MYBPC3: variants seen among roughly 807,000 people sequenced by gnomAD.
The protein encoded by MYBPC3 is myosin binding protein C3.
MYBPC3 carries 108 observed loss-of-function variants against 159.3 expected under a neutral mutation model. That is an observed-to-expected ratio of 0.68 (90% CI 0.58 to 0.80). The LOEUF (loss-of-function observed/expected upper bound fraction) is 0.80, where lower values mean the gene tolerates loss of function less well. Among genes scored for constraint, MYBPC3 ranks in the 30% least tolerant of loss-of-function variants. The pLI is 0.00. For missense variants in MYBPC3, 1,631 were observed against 1,762.1 expected, an observed-to-expected ratio of 0.93 and a Z score of 1.33; for synonymous variants, 730 against 702.0, an observed-to-expected ratio of 1.04 and a Z score of -0.63.
At position 47,331,832 on chromosome 11, in the gene MYBPC3, G is replaced by A. The variant is rs756818187; in HGVS notation, c.*26+13C>T. ...GCCACTGACTTGTGCCCTGGGTGTCGGGTGGTACATACCTGGCCATCCCCA... is the reference window on the plus strand; with the variant it reads ...GCCACTGACTTGTGCCCTGGGTGTCAGGTGGTACATACCTGGCCATCCCCA... On this transcript the variant is annotated intron_variant, in intron 34 of 34. Coordinates refer to ENST00000545968, the MANE Select transcript of MYBPC3 (RefSeq NM_000256.3). The A allele has an allele frequency of 3.6e-5, 58 of 1,599,888 alleles. 1 individual carries two copies. Among genetic ancestry groups the A allele is most frequent in the Non-Finnish European group, 4.3e-5 (51 of 1,173,878 alleles).
rs540673034 is a variant in MYBPC3 at position 47,338,249 on chromosome 11, C to T, written c.2308+271G>A. ...TCTTCTCAGCCTCCTAAAGGCATCA[C>T]CCCCAGGCACAGGGATGGCTCTCTG... On this transcript the variant is annotated intron_variant, in intron 23 of 34. Coordinates refer to ENST00000545968, the MANE Select transcript of MYBPC3 (RefSeq NM_000256.3). This position sits in a 1 kb window ranked among gnomAD's most constrained non-coding sequence, Gnocchi z 4.7. 5.3e-5 allele frequency among the ~76,000 whole-genome samples: 8 copies of T among 152,282 alleles called. No individual in the cohort carries two copies. The South Asian group carries it at 1.7e-3, about 32-fold the overall frequency.
rs201278114 is a variant in MYBPC3, at chr11:47,352,635, C to G, written c.13G>C (p.Gly5Arg). 8.3e-4 allele frequency: 1,333 copies of G among 1,596,896 alleles called. 1 individual carries two copies. Among genetic ancestry groups the G allele is most frequent in the Non-Finnish European group, 1.1e-3 (1,251 of 1,171,934 alleles). MPEPGKKPVSAFSKK... is the reference protein window; with the variant it reads MPEPRKKPVSAFSKK... ...GTCCTAAAGCTACCTGGCTTCTTCC[C>G]CGGCTCAGGCATCCTGAGAGACGTC... is the stretch of plus-strand genomic sequence containing the variant. Residue 5 changes from glycine to arginine, a missense_variant, in exon 1 of 35, where the codon GGG becomes CGG. Physicochemically the swap from Gly to Arg is moderately radical, Grantham distance 125 (BLOSUM62 -2). Coordinates refer to ENST00000545968, the MANE Select transcript of MYBPC3 (RefSeq NM_000256.3).
At chr11:47,347,072 G>A (rs2095895071) in intron 9 of MYBPC3, 43 bp from the exon 10 acceptor site, 1 of 866,574 alleles carries the variant, frequency 1.2e-6, no homozygotes, top group Non-Finnish European at 1.9e-6. Context: ...GGCCGGGGGA[G>A]AGGGAGAGAG....
chr11:47,334,522 C>T (rs927036488), intron 27 of MYBPC3, among the ~76,000 whole-genome samples: 11 of 151,868 alleles, frequency 7.2e-5, no homozygotes, highest in African/African-American at 2.4e-4. Flanking sequence ...TTCCCTGTTC[C>T]AGAACTAAGG....
At chr11:47,350,421 T>C (rs2095899484) in intron 3 of MYBPC3, 81 bp downstream of exon 3, 1 of 1,522,818 alleles carries the variant, frequency 6.6e-7, no homozygotes, top group Non-Finnish European at 8.8e-7. Flanking sequence ...CCACCGCACC[T>C]GGCCCAGCAA....
intron 18 of MYBPC3, among the ~76,000 whole-genome samples, chr11:47,341,570 C>CG (rs2095888626): frequency 6.6e-6 from 1 of 152,136 alleles, no homozygotes; most frequent in South Asian, 2.1e-4. Context: ...AGCAAGAGGG[C>CG]GGGAGAGGCA....
At chr11:47,340,946 CGTGG>C (rs2095887810) in intron 20 of MYBPC3, 53 bp downstream of exon 20, 1 of 1,476,098 alleles carries the variant, frequency 6.8e-7, no homozygotes. Context: ...GGGAGGCCTG[CGTGG>C]GTGGGTTGCG....
rs747036965 is a variant in MYBPC3, at chr11:47,349,968, G to GC, written c.505+45dup. 92 of 1,565,030 alleles carry GC rather than the reference G, an allele frequency of 5.9e-5. No homozygotes were observed. The highest frequency in any genetic ancestry group is 1.2e-4 in the East Asian group (5 of 41,790). On this transcript the variant is annotated intron_variant, in intron 4 of 34. Transcript: ENST00000545968. Reference sequence around the variant, plus strand: ...GGCCCGGCTTGGGGAGTGTCCTGCTGCCCCCCCTTCCCACCCCAATGCTGG... The same window carrying GC: ...GGCCCGGCTTGGGGAGTGTCCTGCTGCCCCCCCCTTCCCACCCCAATGCTGG...
chr11:47,344,385 G>T (rs2095892242), intron 12 of MYBPC3, among the ~76,000 whole-genome samples: 1 of 152,218 alleles, frequency 6.6e-6, no homozygotes, highest in African/African-American at 2.4e-5. Flanking sequence ...CTGCAGTGGG[G>T]GAAATAGGGC....
In MYBPC3 at chr11:47,343,027, C is replaced by G; in HGVS notation, c.1345G>C (p.Val449Leu). Residue 449 changes from valine to leucine, a missense_variant, in exon 15 of 35, where the codon GTG becomes CTG. Coordinates refer to ENST00000545968, the MANE Select transcript of MYBPC3 (RefSeq NM_000256.3). ...GGEKCSTELF[V>L]KEPPVLITRP... Reference sequence around the variant, plus strand: ...CCTCAGGTCCCAGGCCCACCTTTCACAAAGAGCTCCGTGCTACACTTCTCG... The same window carrying G: ...CCTCAGGTCCCAGGCCCACCTTTCAGAAAGAGCTCCGTGCTACACTTCTCG... 6.2e-7 allele frequency: 1 copy of G among 1,613,316 alleles called. No homozygotes were observed. Among genetic ancestry groups the G allele is most frequent in the Non-Finnish European group, 8.5e-7 (1 of 1,179,768 alleles).
intron 9 of MYBPC3, 161 bp downstream of exon 9, chr11:47,347,265 C>T: frequency 2.0e-6 from 2 of 985,350 alleles, no homozygotes; most frequent in Non-Finnish European, 2.4e-6. Flanking sequence ...CTGCAGAGCC[C>T]TTTAACTCCT....
At position 47,341,201 on chromosome 11, in the gene MYBPC3, C is replaced by CTCCACTT; in HGVS notation, c.1833_1834insAAGTGGA (p.Ala612LysfsTer4). On this transcript the variant is annotated frameshift_variant, in exon 19 of 35. Transcript: ENST00000545968. LOFTEE classifies it high-confidence loss of function. Reference sequence around the variant, plus strand: ...CCCTCGGGCACAAAGCTGTAGTCAGCCTCGTCGGCAGGTGTGACGTCGTCA... The same window carrying CTCCACTT: ...CCCTCGGGCACAAAGCTGTAGTCAGCTCCACTTCTCGTCGGCAGGTGTGACGTCGTCA... The CTCCACTT allele has an allele frequency of 6.3e-7, 1 of 1,592,064 alleles. No individual in the cohort carries two copies. The highest frequency in any genetic ancestry group is 8.6e-7 in the Non-Finnish European group (1 of 1,169,584).
chr11:47,332,239 T>G lies in MYBPC3; in HGVS notation c.3647A>C (p.Lys1216Thr), dbSNP rs1595840860. 2 of 1,613,804 alleles carry G rather than the reference T, an allele frequency of 1.2e-6. No individual in the cohort carries two copies. Among genetic ancestry groups the G allele is most frequent in the Non-Finnish European group, 1.7e-6 (2 of 1,179,884 alleles). The change falls in exon 33 of 35, where the codon AAG becomes ACG. Residue 1216 changes from lysine to threonine, a missense_variant. Lys to Thr is a moderately conservative substitution (Grantham distance 78). Transcript: ENST00000545968. The surrounding 1 kb of genome is among the most constrained non-coding windows in gnomAD (Gnocchi z 4.2). ...GTCTTCTCCCAGGTCCAGGCCATTC[T>G]TGAACCAGGAAATCTTGGGCTATAA... ...GSPKPKISWF[K>T]NGLDLGEDAR...
chr11:47,339,775 T>G lies in MYBPC3; in HGVS notation c.1943A>C (p.His648Pro). 6.2e-7 allele frequency: 1 copy of G among 1,613,548 alleles called. No individual in the cohort carries two copies. The highest frequency in any genetic ancestry group is 8.5e-7 in the Non-Finnish European group (1 of 1,179,636). ...FVPRQEPPKI[H>P]LDCPGRIPDT... The stretch of plus-strand genomic sequence containing the variant: ...TGGTATGCGGCCTGGGCAGTCCAGG[T>G]GGATCTTGGGAGGTTCTGCAGAAGA... Residue 648 changes from histidine (H) to proline (P), a missense_variant, in exon 21 of 35, where the codon CAC (histidine) becomes CCC (proline). Transcript: ENST00000545968.
chr11:47,346,961 G>T lies in MYBPC3; in HGVS notation c.908+66C>A. 1.3e-6 allele frequency: 1 copy of T among 768,414 alleles called. No individual in the cohort carries two copies. The highest frequency in any genetic ancestry group is 2.4e-6 in the Non-Finnish European group (1 of 420,482). The allele number at this position is 768,414 out of a possible 1,614,324, so 47.6% of individuals were successfully genotyped here. On this transcript the variant is annotated intron_variant, in intron 10 of 34. Transcript: ENST00000545968. This position sits in a 1 kb window ranked among gnomAD's most constrained non-coding sequence, Gnocchi z 5.3. ...TCTCACCACAGCCTCTCAGAGAGGG[G>T]ACGGGAATCCCCTCTGCACCCACCA...
At chr11:47,341,668 G>A (rs954657613) in intron 18 of MYBPC3, among the ~76,000 whole-genome samples, 5 of 152,100 alleles carry the variant, frequency 3.3e-5, no homozygotes, top group African/African-American at 4.8e-5. Context: ...GGGAGCGCTC[G>A]ACCCCGTCCG....
At chr11:47,333,526 A>G (rs552383933) in intron 29 of MYBPC3, 31 bp downstream of exon 29, 2 of 1,598,502 alleles carry the variant, frequency 1.3e-6, no homozygotes, top group African/African-American at 1.3e-5. Flanking sequence ...GAAGGGAAAC[A>G]AGGGGGCTCA....
Position 47,333,203 on chromosome 11 carries a change from C to T in MYBPC3, c.3321G>A (p.Lys1107=). The stretch of plus-strand genomic sequence containing the variant: ...CAGACCCTGGGCTCACCATGGTCTT[C>T]TTGTCGGCTTTCTGCACTGTGTACC... ...LWGYTVQKAD[K]KTMEWFTVLE... Residue 1107 remains lysine, a synonymous_variant, in exon 30 of 35, where the codon AAG becomes AAA. Transcript: ENST00000545968. 1 of 1,602,110 alleles carries T rather than the reference C, an allele frequency of 6.2e-7. No individual in the cohort carries two copies. Among genetic ancestry groups the T allele is most frequent in the Non-Finnish European group, 8.5e-7 (1 of 1,174,268 alleles).
chr11:47,352,496 C>T (rs920575620), intron 1 of MYBPC3, 127 bp downstream of exon 1: 2 of 1,212,554 alleles, frequency 1.6e-6, no homozygotes, highest in Non-Finnish European at 2.3e-6. Flanking sequence ...GGACTGGCTG[C>T]CCCTGTCCTG....
Sources: allele counts gnomAD v4.1 joint callset (sites outside exome capture counted in the v4.1 genomes callset), GRCh38; gene constraint gnomAD v4.1.1; non-coding constraint Gnocchi (gnomAD v3.1); transcripts MANE v1.5; gene names NCBI Gene and HGNC (gene_info 2026-07-23, HGNC 2026-07-21).